SORBS2: variants seen among roughly 807,000 people sequenced by gnomAD.
SORBS2 encodes sorbin and SH3 domain-containing protein 2.
SORBS2 carries 46 observed loss-of-function variants against 97.7 expected under a neutral mutation model. That is an observed-to-expected ratio of 0.47 (90% CI 0.37 to 0.60). The LOEUF (loss-of-function observed/expected upper bound fraction) is 0.60, where lower values mean the gene tolerates loss of function less well. Among genes scored for constraint, SORBS2 ranks in the 20% least tolerant of loss-of-function variants. SORBS2 has a pLI of 0.00. For missense variants in SORBS2, 1,316 were observed against 1,282.3 expected (o/e 1.03, Z -0.40); for synonymous variants, 476 against 473.4 (o/e 1.01, Z -0.07).
At chr4:185,699,891 T>C (rs1225119851) in intron 2 of SORBS2, among the ~76,000 whole-genome samples, 1 of 152,218 alleles carries the variant, frequency 6.6e-6, no homozygotes, top group Admixed American at 6.5e-5. Flanking sequence ...AAAAAATTCT[T>C]TACATTTCTC....
chr4:185,921,431 C>T (rs1392135367), intron 1 of SORBS2, among the ~76,000 whole-genome samples: 1 of 152,036 alleles, frequency 6.6e-6, no homozygotes, highest in East Asian at 1.9e-4. Flanking sequence ...AACCCAGATG[C>T]TTTGCAATGG....
intron 1 of SORBS2, among the ~76,000 whole-genome samples, chr4:185,913,768 T>C (rs1177395579): frequency 6.6e-6 from 1 of 152,196 alleles, no homozygotes; most frequent in Non-Finnish European, 1.5e-5. Context: ...TGAATGACTC[T>C]TCAAAGACTC....
At chr4:185,639,993 G>A (rs2097099906) in intron 4 of SORBS2, among the ~76,000 whole-genome samples, 1 of 152,162 alleles carries the variant, frequency 6.6e-6, no homozygotes. Context: ...TTATTGACTC[G>A]TTGCATTTAC....
chr4:185,746,403 G>A (rs537345049), intron 2 of SORBS2, among the ~76,000 whole-genome samples: 103 of 152,216 alleles, frequency 6.8e-4, no homozygotes, highest in African/African-American at 2.2e-3. Context: ...TGCAACCTCC[G>A]CGTCCTGGGT....
chr4:185,951,506 T>C (rs1242028858), intron 1 of SORBS2, among the ~76,000 whole-genome samples: 1 of 152,216 alleles, frequency 6.6e-6, no homozygotes, highest in Non-Finnish European at 1.5e-5. Flanking sequence ...CCTTTGTACC[T>C]TTCTCAACAG....
intron 12 of SORBS2, among the ~76,000 whole-genome samples, chr4:185,602,469 G>A (rs10049790): frequency 0.058 from 8,804 of 152,252 alleles, 823 homozygotes; most frequent in African/African-American, 0.2. Flanking sequence ...GTTTATGGAA[G>A]ATTCTGGATT....
exon 4 of SORBS2, chr4:185,646,692 T>C (rs758239719): frequency 3.7e-6 from 6 of 1,612,426 alleles, no homozygotes; most frequent in Admixed American, 1.7e-5. Flanking sequence ...GAAGAATTGA[T>C]GACTTGCCAG....
chr4:185,906,948 A>C (rs1398071664), intron 1 of SORBS2, among the ~76,000 whole-genome samples: 2 of 152,124 alleles, frequency 1.3e-5, no homozygotes, highest in African/African-American at 4.8e-5. Context: ...CAACATGGCG[A>C]AACCCCGTGT....
intron 1 of SORBS2, among the ~76,000 whole-genome samples, chr4:185,896,892 C>CA (rs70962602): frequency 0.011 from 1,182 of 109,684 alleles, 11 homozygotes; most frequent in African/African-American, 0.034. Context: ...TACACATGGC[C>CA]AAAAAAAAAA....
chr4:185,663,947 C>T (rs1204146563), intron 4 of SORBS2, among the ~76,000 whole-genome samples: 9 of 148,758 alleles, frequency 6.1e-5, no homozygotes, highest in African/African-American at 1.5e-4. Flanking sequence ...CTCCGCCTCC[C>T]GGGTTCATGT....
intron 4 of SORBS2, among the ~76,000 whole-genome samples, chr4:185,671,772 G>A (rs538710370): frequency 4.6e-5 from 7 of 152,284 alleles, no homozygotes; most frequent in Non-Finnish European, 5.9e-5. Flanking sequence ...AGATCATGAC[G>A]TGGTATTAGA....
At chr4:185,635,909 A>C (rs2096990121) in intron 4 of SORBS2, among the ~76,000 whole-genome samples, 1 of 151,942 alleles carries the variant, frequency 6.6e-6, no homozygotes, top group South Asian at 2.1e-4. Context: ...CCCAGGCTGG[A>C]GTGTAGTGAC....
At position 185,779,965 on chromosome 4, in the gene SORBS2, G is replaced by A. The variant is rs566436556; in HGVS notation, c.-337-4599C>T. On this transcript the variant is annotated intron_variant, in intron 1 of 20. Coordinates refer to the SORBS2 transcript ENST00000284776. ...ATGAACAGGGAAGTGCTGAAGTCAC[G>A]CACATTGTAAGCAAAATGAAGGCTA... 2.7e-5 allele frequency among the ~76,000 whole-genome samples: 4 copies of A among 150,706 alleles called. No homozygotes were observed. The South Asian group carries it at 6.3e-4, about 24-fold the overall frequency.
intron 1 of SORBS2, among the ~76,000 whole-genome samples, chr4:185,928,789 G>A (rs547259377): frequency 2.6e-4 from 40 of 152,166 alleles, no homozygotes; most frequent in East Asian, 2.5e-3. Flanking sequence ...CTCGTGATCC[G>A]CCCACCTCGG....
At chr4:185,737,631 C>A (rs2098696246) in intron 2 of SORBS2, among the ~76,000 whole-genome samples, 1 of 152,120 alleles carries the variant, frequency 6.6e-6, no homozygotes, top group African/African-American at 2.4e-5. Flanking sequence ...GGGCCGTGAG[C>A]AGGGTCTCAG....
chr4:185,834,813 T>C (rs558845683), intron 1 of SORBS2, among the ~76,000 whole-genome samples: 2 of 152,338 alleles, frequency 1.3e-5, no homozygotes, highest in South Asian at 2.1e-4. Flanking sequence ...TTTCAAAGCA[T>C]ATTCCAAAGA....
chr4:185,709,187 T>G (rs1488129019), intron 2 of SORBS2, among the ~76,000 whole-genome samples: 2 of 152,186 alleles, frequency 1.3e-5, no homozygotes, highest in Non-Finnish European at 2.9e-5. Context: ...CCCAGCTAAC[T>G]TTTGTATTTT....
intron 2 of SORBS2, among the ~76,000 whole-genome samples, chr4:185,736,051 C>T (rs1259601926): frequency 6.6e-6 from 1 of 152,230 alleles, no homozygotes; most frequent in African/African-American, 2.4e-5. Flanking sequence ...GGTGCCAAGT[C>T]ACCCAGGTCT....
intron 1 of SORBS2, among the ~76,000 whole-genome samples, chr4:185,809,501 G>C (rs72703846): frequency 0.045 from 5,936 of 132,138 alleles, 201 homozygotes; most frequent in Middle Eastern, 0.059. Context: ...AGTATGTTTT[G>C]GAAATTCCAA....
Sources: allele counts gnomAD v4.1 joint callset (sites outside exome capture counted in the v4.1 genomes callset), GRCh38; gene constraint gnomAD v4.1.1; transcripts MANE v1.5; gene names NCBI Gene and HGNC (gene_info 2026-07-23, HGNC 2026-07-21).